Variants in EDIL3 observed in about 807,000 individuals in gnomAD.
EDIL3 encodes EGF-like repeat and discoidin I-like domain-containing protein 3.
In EDIL3, 37 loss-of-function variants were observed where a neutral mutation model predicts 67.4. The observed-to-expected ratio is 0.55, with a 90% CI of 0.42 to 0.72. The LOEUF (loss-of-function observed/expected upper bound fraction) is 0.72, where lower values mean the gene tolerates loss of function less well. Ranked by LOEUF, EDIL3 falls within the 30% of genes least tolerant of loss-of-function variation. The pLI, the probability that EDIL3 is intolerant of heterozygous loss-of-function variation, is 0.00. For synonymous variants in EDIL3, 195 were observed against 196.3 expected (o/e 0.99, Z 0.05); for missense variants, 527 against 586.3 (o/e 0.90, Z 1.04).
chr5:84,316,708 G>A (rs551394014), intron 1 of EDIL3, among the ~76,000 whole-genome samples: 14 of 152,218 alleles, frequency 9.2e-5, no homozygotes, highest in Admixed American at 9.2e-4. Flanking sequence ...CAACGAGACA[G>A]AAAATTAACA....
intron 2 of EDIL3, among the ~76,000 whole-genome samples, chr5:84,242,862 C>G (rs1744826993): frequency 6.7e-6 from 1 of 149,914 alleles, no homozygotes; most frequent in South Asian, 2.1e-4. Context: ...GAAAGTAACC[C>G]TCCCCATATG....
At chr5:84,265,056 A>G (rs1745319541) in intron 1 of EDIL3, among the ~76,000 whole-genome samples, 1 of 152,212 alleles carries the variant, frequency 6.6e-6, no homozygotes, top group Admixed American at 6.5e-5. Flanking sequence ...CTAAAAGAAG[A>G]ACAGAACATT....
intron 1 of EDIL3, among the ~76,000 whole-genome samples, chr5:84,291,814 CAT>C (rs1244452402): frequency 6.8e-6 from 1 of 147,286 alleles, no homozygotes; most frequent in Non-Finnish European, 1.5e-5. Context: ...TATACACACA[CAT>C]ATATATACAC....
intron 1 of EDIL3, among the ~76,000 whole-genome samples, chr5:84,319,822 TA>T (rs1269206298): frequency 7.2e-5 from 11 of 151,876 alleles, no homozygotes; most frequent in Non-Finnish European, 1.3e-4. Flanking sequence ...TATGCAGCCA[TA>T]AAAAAGGATG....
Position 83,963,313 on chromosome 5 carries a change from T to C in EDIL3, c.1185A>G (p.Gly395=). Residue 395 remains glycine (G), a synonymous_variant, in exon 10 of 11, where the codon GGA becomes GGG. Transcript: ENST00000296591. ...ACTGTACATGACCAAAATCTTTAGC[T>C]CCTTGTGTAATGATGCCAGTCACTT... ...PTKVTGIITQ[G]AKDFGHVQFV... is the part of the protein sequence containing the mutation. The C allele has an allele frequency of 6.2e-7, 1 of 1,610,072 alleles. No homozygotes were observed. The highest frequency in any genetic ancestry group is 8.5e-7 in the Non-Finnish European group (1 of 1,177,664).
At chr5:84,080,775 A>G (rs1746952021) in intron 6 of EDIL3, among the ~76,000 whole-genome samples, 1 of 152,176 alleles carries the variant, frequency 6.6e-6, no homozygotes, top group Non-Finnish European at 1.5e-5. Context: ...AAATAAAAAG[A>G]AGTATCAATT....
intron 1 of EDIL3, among the ~76,000 whole-genome samples, chr5:84,312,057 T>C (rs1746403086): frequency 6.6e-6 from 1 of 152,126 alleles, no homozygotes; most frequent in Admixed American, 6.5e-5. Flanking sequence ...CATGGCCCGT[T>C]CTCAATGAGC....
At chr5:84,131,139 A>G (rs1474291553) in intron 5 of EDIL3, among the ~76,000 whole-genome samples, 1 of 152,112 alleles carries the variant, frequency 6.6e-6, no homozygotes, top group Non-Finnish European at 1.5e-5. Context: ...CTATGTATAT[A>G]TATTTATGCA....
chr5:84,096,078 C>T (rs1217890072), intron 6 of EDIL3, among the ~76,000 whole-genome samples: 1 of 152,150 alleles, frequency 6.6e-6, no homozygotes, highest in African/African-American at 2.4e-5. Flanking sequence ...CCTGGATGCC[C>T]AGGCAGAAGT....
intron 1 of EDIL3, among the ~76,000 whole-genome samples, chr5:84,266,872 T>C (rs993751276): frequency 6.6e-6 from 1 of 152,182 alleles, no homozygotes; most frequent in Non-Finnish European, 1.5e-5. Flanking sequence ...TATTTTATCA[T>C]TTTATAGTAA....
In EDIL3 at chr5:84,060,409, G is replaced by A. The variant is rs757863733; in HGVS notation, c.1028C>T (p.Thr343Met). Residue 343 changes from threonine (T) to methionine (M), a missense_variant, in exon 9 of 11, where the codon ACG becomes ATG. Coordinates refer to ENST00000296591, the MANE Select transcript of EDIL3 (RefSeq NM_005711.5). ...CCAAGTGAACATGTCCATGTTGAGC[G>A]TTCTGAAGATGCTGGAGGCAGTGAT... ...YQITASSIFR[T>M]LNMDMFTWEP... 15 of 1,613,790 alleles carry A rather than the reference G, an allele frequency of 9.3e-6. No individual in the cohort carries two copies. Among genetic ancestry groups the A allele is most frequent in the Non-Finnish European group, 1.3e-5 (15 of 1,179,836 alleles).
chr5:83,980,203 T>TA (rs1744945372), intron 9 of EDIL3, among the ~76,000 whole-genome samples: 1 of 152,052 alleles, frequency 6.6e-6, no homozygotes, highest in African/African-American at 2.4e-5. Flanking sequence ...CCTGAGATTG[T>TA]ACCATCTAAA....
intron 1 of EDIL3, among the ~76,000 whole-genome samples, chr5:84,373,865 C>T (rs1038572766): frequency 3.3e-5 from 5 of 152,032 alleles, no homozygotes; most frequent in Non-Finnish European, 5.9e-5. Flanking sequence ...TCATGTGATG[C>T]GAAAATCTAA....
At chr5:84,246,254 T>C (rs1744907721) in intron 2 of EDIL3, among the ~76,000 whole-genome samples, 1 of 152,252 alleles carries the variant, frequency 6.6e-6, no homozygotes, top group Admixed American at 6.5e-5. Flanking sequence ...TGTTAGCTAC[T>C]GTGAGGCAAG....
At chr5:84,093,749 C>A (rs1747209670) in intron 6 of EDIL3, among the ~76,000 whole-genome samples, 1 of 147,716 alleles carries the variant, frequency 6.8e-6, no homozygotes, top group Admixed American at 6.9e-5. Flanking sequence ...AACTTCTGTA[C>A]CCCAGATTCA....
chr5:84,167,259 A>T (rs576480817), intron 4 of EDIL3, among the ~76,000 whole-genome samples: 1 of 152,220 alleles, frequency 6.6e-6, no homozygotes, highest in East Asian at 1.9e-4. Flanking sequence ...ATCTCAGAGC[A>T]TGCAGGAGAC....
chr5:84,243,398 T>C (rs1205572381), intron 2 of EDIL3, among the ~76,000 whole-genome samples: 3 of 152,208 alleles, frequency 2.0e-5, no homozygotes, highest in African/African-American at 4.8e-5. Context: ...AATTTATCTA[T>C]TGCCTGAAGA....
intron 9 of EDIL3, among the ~76,000 whole-genome samples, chr5:84,018,080 C>T (rs906142394): frequency 1.5e-4 from 23 of 152,286 alleles, no homozygotes; most frequent in African/African-American, 4.8e-4. Flanking sequence ...CAGCTAAATC[C>T]CTCCTCAGCT....
At chr5:84,131,949 G>A (rs1333771248) in intron 5 of EDIL3, among the ~76,000 whole-genome samples, 1 of 151,744 alleles carries the variant, frequency 6.6e-6, no homozygotes, top group Non-Finnish European at 1.5e-5. Context: ...AAAGAATATA[G>A]GGGCTGGGCA....
Sources: gnomAD v4.1 joint callset for allele counts (sites outside exome capture counted in the v4.1 genomes callset) on GRCh38, gnomAD v4.1.1 for gene constraint, MANE v1.5 for transcripts, NCBI Gene and HGNC (gene_info 2026-07-23, HGNC 2026-07-21) for gene names.